FAM131B: variants seen among roughly 807,000 people sequenced by gnomAD.
FAM131B encodes the protein family with sequence similarity 131 member B, also known as protein FAM131B.
A neutral mutation model predicts 42.0 loss-of-function variants in FAM131B; 19 were observed. The observed-to-expected ratio is 0.45, with a 90% CI of 0.32 to 0.66. The LOEUF is 0.66. Among genes scored for constraint, FAM131B ranks in the 30% least tolerant of loss-of-function variants. FAM131B has a pLI of 0.05. For synonymous variants in FAM131B, 183 were observed against 177.6 expected (o/e 1.03, Z -0.24); for missense variants, 370 against 468.4 (o/e 0.79, Z 1.94).
chr7:143,382,116 C>T, the FAM131B span: 1 of 794,834 alleles, frequency 1.3e-6, no homozygotes, highest in Non-Finnish European at 1.9e-6. Context: ...CCCTGCGCCC[C>T]TCCTTTGCTT....
chr7:143,368,423 A>G, the FAM131B span, among the ~76,000 whole-genome samples: 2 of 152,198 alleles, frequency 1.3e-5, no homozygotes, highest in Non-Finnish European at 2.9e-5. Flanking sequence ...TGGAGAACCA[A>G]TGAGAACCAG....
chr7:143,380,004 T>C, the FAM131B span: 3 of 940,190 alleles, frequency 3.2e-6, no homozygotes, highest in East Asian at 2.3e-4. This position sits in a 1 kb window ranked among gnomAD's most constrained non-coding sequence, Gnocchi z 5.0. Flanking sequence ...CCTCGGATGA[T>C]CTCTAAAACA....
At chr7:143,381,446 A>G in the FAM131B span, 1 of 1,285,748 alleles carries the variant, frequency 7.8e-7, no homozygotes. Flanking sequence ...CCCCACGGGG[A>G]GGGGGCGCGG....
At chr7:143,381,232 G>A in the FAM131B span, 1 of 1,013,634 alleles carries the variant, frequency 9.9e-7, no homozygotes, top group Non-Finnish European at 1.2e-6. Flanking sequence ...CCCCTCTCCG[G>A]GCCGCTCCTT....
rs1325479355 is a variant in FAM131B at position 143,357,499 on chromosome 7, T to C, written c.467-76A>G. ...ATGTGCGTGGGGTAGGAAAACATCT[T>C]AGTGCAGCACTGTTCAGTAGAAATA... On this transcript the variant is annotated intron_variant, in intron 5 of 6. Transcript: ENST00000443739. The C allele has an allele frequency of 3.0e-6, 4 of 1,318,226 alleles. No individual in the cohort carries two copies. In the East Asian group the frequency reaches 7.0e-5, roughly 23 times the overall value. 81.7% of individuals were successfully genotyped at this position (1,318,226 alleles called of 1,614,324 possible).
At chr7:143,364,408 G>A (rs956971055), upstream of FAM131B, among the ~76,000 whole-genome samples, 10 of 152,062 alleles carry the variant, frequency 6.6e-5, no homozygotes, top group Non-Finnish European at 1.5e-4. Context: ...AGACCACGTG[G>A]CCATTATGCT....
At chr7:143,380,604 C>CA in the FAM131B span, 1 of 985,540 alleles carries the variant, frequency 1.0e-6, no homozygotes, top group Non-Finnish European at 1.2e-6. The surrounding 1 kb of genome is among the most constrained non-coding windows in gnomAD (Gnocchi z 5.0). Flanking sequence ...GTCCCTCTCG[C>CA]AACCGATCTG....
At chr7:143,371,018 C>A in the FAM131B span, among the ~76,000 whole-genome samples, 1 of 152,202 alleles carries the variant, frequency 6.6e-6, no homozygotes, top group Non-Finnish European at 1.5e-5. Context: ...CCCAAACACT[C>A]TTTCTTGGTT....
the FAM131B span, chr7:143,381,161 G>C: frequency 1.0e-6 from 1 of 985,448 alleles, no homozygotes; most frequent in Non-Finnish European, 1.2e-6. Flanking sequence ...GCCTGAGGCA[G>C]GATCAGGGCC....
the FAM131B span, among the ~76,000 whole-genome samples, chr7:143,374,827 G>A: frequency 1.6e-4 from 25 of 152,110 alleles, no homozygotes; most frequent in African/African-American, 5.3e-4. Context: ...TCTGCTTACC[G>A]TTCAGATCTC....
the FAM131B span, among the ~76,000 whole-genome samples, chr7:143,370,072 T>C: frequency 7.9e-5 from 12 of 152,228 alleles, no homozygotes; most frequent in African/African-American, 2.9e-4. Flanking sequence ...TTTGTTCATG[T>C]ATATGCATGA....
chr7:143,368,036 G>A, the FAM131B span, among the ~76,000 whole-genome samples: 2 of 152,232 alleles, frequency 1.3e-5, no homozygotes, highest in East Asian at 3.9e-4. Context: ...GGCCAAGCCA[G>A]CAGATCGCGC....
rs1208797274 is a variant in FAM131B, at chr7:143,358,460, C to T, written c.466+367G>A. Among the ~76,000 whole-genome samples, 1 of 152,140 alleles carries T rather than the reference C, an allele frequency of 6.6e-6. No homozygotes were observed. Among genetic ancestry groups the T allele is most frequent in the Non-Finnish European group, 1.5e-5 (1 of 68,038 alleles). On this transcript the variant is annotated intron_variant, in intron 5 of 6. Transcript: ENST00000443739. This position sits in a 1 kb window ranked among gnomAD's most constrained non-coding sequence, Gnocchi z 4.7. The stretch of plus-strand genomic sequence containing the variant: ...GTAGGCAAATTCATGACTCGAAATG[C>T]TAAAGGGCAAAGGCTAAAAGAGATC...
chr7:143,378,676 C>T, the FAM131B span, among the ~76,000 whole-genome samples: 80 of 150,540 alleles, frequency 5.3e-4, no homozygotes, highest in Non-Finnish European at 9.7e-4. Flanking sequence ...TGGGTTCAAG[C>T]GATTCTTCTC....
the FAM131B span, among the ~76,000 whole-genome samples, chr7:143,373,621 TAAG>T: frequency 6.6e-6 from 1 of 151,946 alleles, no homozygotes; most frequent in African/African-American, 2.4e-5. Flanking sequence ...CAGGTTAGAA[TAAG>T]AAGGAGAGAG....
the FAM131B span, chr7:143,381,220 G>T: frequency 1.0e-6 from 1 of 1,004,932 alleles, no homozygotes. Context: ...CGCTCTCCCC[G>T]CCCCCTCTCC....
chr7:143,376,046 C>T, the FAM131B span, among the ~76,000 whole-genome samples: 1 of 152,172 alleles, frequency 6.6e-6, no homozygotes, highest in Non-Finnish European at 1.5e-5. Context: ...GCCCATCTGG[C>T]CCAGCCCTTG....
At chr7:143,375,457 G>C in the FAM131B span, among the ~76,000 whole-genome samples, 1 of 152,108 alleles carries the variant, frequency 6.6e-6, no homozygotes, top group African/African-American at 2.4e-5. Flanking sequence ...CTTTTTCTGA[G>C]ACAGTGTCCA....
Position 143,356,082 on chromosome 7 carries a change from T to C in FAM131B, c.*468A>G, listed in dbSNP as rs1803634250. 1 of 177,198 alleles carries C rather than the reference T, an allele frequency of 5.6e-6. No homozygotes were observed. The highest frequency in any genetic ancestry group is 2.4e-5 in the African/African-American group (1 of 41,794). The allele number at this position is 177,198 out of a possible 1,614,324, so 11.0% of individuals were successfully genotyped here. A position where few individuals can be genotyped will look rare whatever the true frequency, so the allele number is the denominator to read the frequency against. On this transcript the variant is annotated 3_prime_UTR_variant, in exon 7 of 7. Coordinates refer to ENST00000443739, the MANE Select transcript of FAM131B (RefSeq NM_001031690.3). This position sits in a 1 kb window ranked among gnomAD's most constrained non-coding sequence, Gnocchi z 4.4. ...CTGAGGTCTGTTCTCTCAGTAGGGA[T>C]GAGCTGGGGCCACAGCCAGAGAAAA...
Sources: gnomAD v4.1 joint callset for allele counts (sites outside exome capture counted in the v4.1 genomes callset) on GRCh38, gnomAD v4.1.1 for gene constraint, Gnocchi (gnomAD v3.1) non-coding constraint, MANE v1.5 for transcripts, NCBI Gene and HGNC (gene_info 2026-07-23, HGNC 2026-07-21) for gene names.